The following CFAP44 variants were observed in gnomAD, a reference collection of about 807,000 sequenced individuals.
CFAP44 encodes the protein cilia and flagella associated protein 44.
In CFAP44, 134 loss-of-function variants were observed where a neutral mutation model predicts 216.2. The observed-to-expected ratio is 0.62, with a 90% confidence interval of 0.54 to 0.72. CFAP44 has a LOEUF of 0.72. Among genes scored for constraint, CFAP44 ranks in the 30% least tolerant of loss-of-function variants. The pLI is 0.00. For synonymous variants in CFAP44, 700 were observed against 727.6 expected, an observed-to-expected ratio of 0.96 and a Z score of 0.61; for missense variants, 2,035 against 2,182.1, an observed-to-expected ratio of 0.93 and a Z score of 1.34.
intron 28 of CFAP44, among the ~76,000 whole-genome samples, chr3:113,315,819 T>C (rs2107800288): frequency 1.3e-5 from 2 of 152,364 alleles, no homozygotes; most frequent in South Asian, 4.1e-4. Flanking sequence ...TTGTTTTAGA[T>C]GATCTTGCCC....
chr3:113,307,096 C>T (rs763581899), intron 29 of CFAP44, among the ~76,000 whole-genome samples: 5 of 152,136 alleles, frequency 3.3e-5, no homozygotes, highest in Non-Finnish European at 7.4e-5. Context: ...ATTGAGACTG[C>T]AAGAAATTGG....
chr3:113,383,120 T>C (rs1933557854), intron 15 of CFAP44, among the ~76,000 whole-genome samples: 1 of 152,182 alleles, frequency 6.6e-6, no homozygotes, highest in Non-Finnish European at 1.5e-5. Context: ...GCTAGATGGG[T>C]ATGAAGAAAA....
In CFAP44 at chr3:113,329,945, C is replaced by CA. The variant is rs369812490; in HGVS notation, c.4116+222dup. On this transcript the variant is annotated intron_variant, in intron 26 of 34. Transcript: ENST00000393845. ...TTCATTCTTTGTCAGCTTTCCAAAACAAAAAAAAAAGTTTAAAAGCTCTGT... is the reference window on the plus strand; with the variant it reads ...TTCATTCTTTGTCAGCTTTCCAAAACAAAAAAAAAAAGTTTAAAAGCTCTGT... 2.9e-3 allele frequency among the ~76,000 whole-genome samples: 420 copies of CA among 147,144 alleles called. 2 individuals are homozygous for CA. Among genetic ancestry groups the CA allele is most frequent in the African/African-American group, 8.4e-3 (336 of 40,206 alleles).
At chr3:113,294,986 C>A (rs997850621) in intron 33 of CFAP44, among the ~76,000 whole-genome samples, 165 bp from the exon 34 acceptor site, 3 of 96,872 alleles carry the variant, frequency 3.1e-5, no homozygotes, top group Middle Eastern at 4.6e-3. Flanking sequence ...TGCATTGGGT[C>A]TGGTTTGATT....
At chr3:113,327,848 G>A (rs762678373) in intron 26 of CFAP44, 29 bp from the exon 27 acceptor site, 50 of 1,525,546 alleles carry the variant, frequency 3.3e-5, no homozygotes, top group Middle Eastern at 1.9e-4. Context: ...TTGCGGATAC[G>A]TTAGAAGACT....
Position 113,327,625 on chromosome 3 carries a change from C to G in CFAP44, c.4311G>C (p.Gln1437His). ...ERVNSLDKEE[Q>H]YMQWKINETL... Reference sequence around the variant, plus strand: ...TTCTGCCCACTCATACTTGCATGTACTGTTCCTCTTTGTCTAAGGAATTAA... The same window carrying G: ...TTCTGCCCACTCATACTTGCATGTAGTGTTCCTCTTTGTCTAAGGAATTAA... The change falls in exon 27 of 35, where the codon CAG (glutamine) becomes CAC (histidine). Residue 1437 changes from glutamine to histidine, a missense_variant. Gln to His is a conservative substitution (Grantham distance 24, BLOSUM62 0). Coordinates refer to ENST00000393845, the MANE Select transcript of CFAP44 (RefSeq NM_001164496.2). 2 of 1,536,770 alleles carry G rather than the reference C, an allele frequency of 1.3e-6. No homozygotes were observed. The highest frequency in any genetic ancestry group is 1.7e-6 in the Non-Finnish European group (2 of 1,146,514).
At chr3:113,375,699 T>C (rs1933322568) in intron 17 of CFAP44, among the ~76,000 whole-genome samples, 1 of 152,170 alleles carries the variant, frequency 6.6e-6, no homozygotes, top group Non-Finnish European at 1.5e-5. Context: ...CACACACCTG[T>C]AATCTCAGCT....
chr3:113,430,238 G>T (rs1935068482), intron 2 of CFAP44, among the ~76,000 whole-genome samples: 1 of 151,044 alleles, frequency 6.6e-6, no homozygotes, highest in Non-Finnish European at 1.5e-5. Context: ...TGGGTCAAAG[G>T]GAAATCAACA....
chr3:113,358,569 T>G (rs1950511978), intron 22 of CFAP44, among the ~76,000 whole-genome samples, 176 bp downstream of exon 22: 1 of 152,086 alleles, frequency 6.6e-6, no homozygotes, highest in Admixed American at 6.6e-5. Context: ...TAGAAAGGAG[T>G]GCACAGAAAG....
At chr3:113,313,635 G>C (rs1229854936) in intron 28 of CFAP44, among the ~76,000 whole-genome samples, 1 of 152,096 alleles carries the variant, frequency 6.6e-6, no homozygotes, top group Non-Finnish European at 1.5e-5. Context: ...GGAGGGACCT[G>C]GTGGGAAATA....
At chr3:113,299,604 C>T (rs919197777) in intron 32 of CFAP44, among the ~76,000 whole-genome samples, 1 of 152,144 alleles carries the variant, frequency 6.6e-6, no homozygotes, top group Non-Finnish European at 1.5e-5. Context: ...TGAAGAGATA[C>T]CTACACTCCC....
At chr3:113,426,517 C>T (rs1934964098) in intron 3 of CFAP44, among the ~76,000 whole-genome samples, 1 of 152,146 alleles carries the variant, frequency 6.6e-6, no homozygotes. Context: ...TCCTTCCTGC[C>T]ATTATGTGAA....
chr3:113,287,002 T>A lies in CFAP44; in HGVS notation c.*4555A>T. The A allele has an allele frequency of 1.0e-6, 1 of 954,394 alleles. No homozygotes were observed. Among genetic ancestry groups the A allele is most frequent in the South Asian group, 1.5e-5 (1 of 68,702 alleles). 59.1% of individuals were successfully genotyped at this position (954,394 alleles called of 1,614,324 possible). On this transcript the variant is annotated 3_prime_UTR_variant, in exon 35 of 35. Transcript: ENST00000393845. ...ATTTATGCACTTGTAAATAAATGTA[T>A]ATGTTTTATAATTCTGGAGAGACAT... is the stretch of plus-strand genomic sequence containing the variant.
intron 21 of CFAP44, chr3:113,361,244 A>T (rs879009117): frequency 9.2e-6 from 2 of 217,886 alleles, no homozygotes; most frequent in South Asian, 1.7e-4. Context: ...ATGTAATTTC[A>T]TCTGTCAGTC....
chr3:113,378,849 G>A (rs1191514756), intron 17 of CFAP44, among the ~76,000 whole-genome samples: 1 of 152,042 alleles, frequency 6.6e-6, no homozygotes, highest in Non-Finnish European at 1.5e-5. Context: ...ACTTGCATAT[G>A]ACCCCACAGC....
chr3:113,308,373 A>C, intron 28 of CFAP44, 105 bp from the exon 29 acceptor site: 1 of 848,906 alleles, frequency 1.2e-6, no homozygotes, highest in Non-Finnish European at 1.8e-6. Context: ...CTAGAAAAAT[A>C]ACTCAATATA....
At chr3:113,383,910 C>T (rs1324439201) in intron 15 of CFAP44, among the ~76,000 whole-genome samples, 1 of 152,090 alleles carries the variant, frequency 6.6e-6, no homozygotes, top group South Asian at 2.1e-4. Flanking sequence ...AGCCCCCAAC[C>T]CCCTGCCAGG....
intron 33 of CFAP44, among the ~76,000 whole-genome samples, chr3:113,296,487 A>G (rs1949882190): frequency 6.6e-6 from 1 of 152,180 alleles, no homozygotes; most frequent in African/African-American, 2.4e-5. Flanking sequence ...CATAATATTT[A>G]TATGCACCCT....
intron 17 of CFAP44, among the ~76,000 whole-genome samples, chr3:113,377,255 A>C (rs1039617604): frequency 1.3e-5 from 2 of 152,226 alleles, no homozygotes; most frequent in Non-Finnish European, 2.9e-5. Flanking sequence ...TGAGAACTGC[A>C]GTCAGTACTT....
Sources: gnomAD v4.1 joint callset for allele counts (sites outside exome capture counted in the v4.1 genomes callset) on GRCh38, gnomAD v4.1.1 for gene constraint, MANE v1.5 for transcripts, NCBI Gene and HGNC (gene_info 2026-07-23, HGNC 2026-07-21) for gene names.